Variants in RPTOR observed in about 807,000 individuals in gnomAD.
The protein encoded by RPTOR is regulatory associated protein of MTOR complex 1.
Under a neutral mutation model 169.9 loss-of-function variants are expected in RPTOR, and 21 were observed. The ratio of observed to expected loss-of-function variants is 0.12; its 90% CI spans 0.09 to 0.18. The LOEUF is 0.18. Among genes scored for constraint, RPTOR ranks in the 10% least tolerant of loss-of-function variants. RPTOR has a pLI of 1.00. For synonymous variants in RPTOR, 732 were observed against 753.2 expected (o/e 0.97, Z 0.46); for missense variants, 1,133 against 1,855.9 (o/e 0.61, Z 7.16).
chr17:80,679,558 C>T (rs1188313796), intron 3 of RPTOR, among the ~76,000 whole-genome samples: 2 of 152,160 alleles, frequency 1.3e-5, no homozygotes, highest in African/African-American at 4.8e-5. Context: ...TTTTTCCCTC[C>T]CTTTTTGTTT....
intron 17 of RPTOR, among the ~76,000 whole-genome samples, chr17:80,891,227 T>A (rs1346526404): frequency 6.6e-6 from 1 of 152,206 alleles, no homozygotes; most frequent in Non-Finnish European, 1.5e-5. Flanking sequence ...ACTAGAAACA[T>A]CTACCAATGA....
intron 20 of RPTOR, among the ~76,000 whole-genome samples, chr17:80,903,209 C>G (rs2068498590): frequency 6.6e-6 from 1 of 152,244 alleles, no homozygotes; most frequent in Admixed American, 6.5e-5. Flanking sequence ...AGAGGAGGAG[C>G]TGGGGGCCCT....
chr17:80,900,125 G>A (rs773059413), intron 20 of RPTOR, among the ~76,000 whole-genome samples: 1 of 151,952 alleles, frequency 6.6e-6, no homozygotes, highest in South Asian at 2.1e-4. Flanking sequence ...GGGGACCGGC[G>A]TTTACTCAGG....
At chr17:80,685,625 A>ATTTTTTTTTTTTTTTTTTTTTTTT (rs1567856556) in intron 3 of RPTOR, among the ~76,000 whole-genome samples, 1 of 35,346 alleles carries the variant, frequency 2.8e-5, no homozygotes, top group Non-Finnish European at 4.7e-5. Context: ...ATATATATAT[A>ATTTTTTTTTTTTTTTTTTTTTTTT]TATTTTTTTT....
chr17:80,742,751 T>C (rs979228093), intron 5 of RPTOR, among the ~76,000 whole-genome samples: 22 of 151,886 alleles, frequency 1.4e-4, no homozygotes, highest in African/African-American at 5.3e-4. Flanking sequence ...CACACATACA[T>C]GCACATATAG....
chr17:80,769,412 A>T (rs368457755), intron 6 of RPTOR, among the ~76,000 whole-genome samples: 268 of 152,354 alleles, frequency 1.8e-3, no homozygotes, highest in African/African-American at 5.9e-3. Flanking sequence ...CACCACAGTC[A>T]CTGAGAACAG....
intron 2 of RPTOR, among the ~76,000 whole-genome samples, chr17:80,635,554 G>A (rs954118619): frequency 3.3e-5 from 5 of 152,146 alleles, no homozygotes; most frequent in Admixed American, 1.3e-4. Flanking sequence ...ACCTCCAAGC[G>A]GAGCCACCAT....
chr17:80,712,824 G>A (rs973829343), intron 4 of RPTOR, among the ~76,000 whole-genome samples: 2 of 152,194 alleles, frequency 1.3e-5, no homozygotes, highest in Admixed American at 6.5e-5. Flanking sequence ...ATGCTCATCA[G>A]CATTTGATGT....
At chr17:80,799,638 C>T (rs778269761) in intron 7 of RPTOR, among the ~76,000 whole-genome samples, 2 of 152,164 alleles carry the variant, frequency 1.3e-5, no homozygotes, top group South Asian at 2.1e-4. Flanking sequence ...CCTGTGTTCT[C>T]GGGCTTTTTG....
intron 1 of RPTOR, among the ~76,000 whole-genome samples, chr17:80,579,102 T>C (rs2064991927): frequency 1.3e-5 from 2 of 152,234 alleles, no homozygotes; most frequent in South Asian, 2.1e-4. Flanking sequence ...TATTTACATA[T>C]GGGATCTGAG....
chr17:80,679,107 G>T (rs556417601), intron 3 of RPTOR, among the ~76,000 whole-genome samples: 25 of 152,284 alleles, frequency 1.6e-4, no homozygotes, highest in Admixed American at 1.1e-3. Flanking sequence ...TCTGCCGGGC[G>T]CAGCGGCTAC....
intron 6 of RPTOR, among the ~76,000 whole-genome samples, chr17:80,775,945 C>T (rs545948988): frequency 6.6e-6 from 1 of 152,230 alleles, no homozygotes; most frequent in East Asian, 1.9e-4. Flanking sequence ...ATTTAGTATT[C>T]CATCACATTT....
intron 12 of RPTOR, 25 bp from the exon 13 acceptor site, chr17:80,857,765 C>A: frequency 6.4e-7 from 1 of 1,566,040 alleles, no homozygotes; most frequent in Admixed American, 1.7e-5. Context: ...GGCACAGGTG[C>A]GCTGACGCCC....
In RPTOR at chr17:80,860,507, C is replaced by T. The variant is rs1475302153; in HGVS notation, c.1509+2607C>T. On this transcript the variant is annotated intron_variant, in intron 13 of 33. Transcript: ENST00000306801. The surrounding 1 kb of genome is among the most constrained non-coding windows in gnomAD (Gnocchi z 5.8). ...TGCTCAGCCCTTCTGCTCCCTGCAC[C>T]CAGCCCTGACCATAGCCTCCCCACA... is the stretch of plus-strand genomic sequence containing the variant. Among the ~76,000 whole-genome samples, 1 of 152,134 alleles carries T rather than the reference C, an allele frequency of 6.6e-6. No individual in the cohort carries two copies. The highest frequency in any genetic ancestry group is 1.5e-5 in the Non-Finnish European group (1 of 68,022).
At position 80,964,827 on chromosome 17, in the gene RPTOR, C is replaced by G. The variant is rs554326688; in HGVS notation, c.*497C>G. The G allele has an allele frequency of 2.0e-4, 48 of 235,656 alleles. No individual in the cohort carries two copies. Among genetic ancestry groups the G allele is most frequent in the African/African-American group, 1.0e-3 (46 of 45,502 alleles). 14.6% of individuals were successfully genotyped at this position (235,656 alleles called of 1,614,324 possible). On this transcript the variant is annotated 3_prime_UTR_variant, in exon 34 of 34. Coordinates refer to ENST00000306801, the MANE Select transcript of RPTOR (RefSeq NM_020761.3). ...CCCACCACCTCTCACAGTCAGTGCA[C>G]GCAAGCAGGGACATTTCCTAGCCAG... is the stretch of plus-strand genomic sequence containing the variant.
At chr17:80,561,263 G>GTATGTATATATATATATATATATA (rs2084488080) in intron 1 of RPTOR, among the ~76,000 whole-genome samples, 4 of 19,610 alleles carry the variant, frequency 2.0e-4, no homozygotes, top group African/African-American at 3.7e-4. Flanking sequence ...ATATATATAT[G>GTATGTATATATATATATATATATA]TATATATATA....
chr17:80,956,905 C>T (rs1254139338), intron 28 of RPTOR, among the ~76,000 whole-genome samples: 1 of 152,108 alleles, frequency 6.6e-6, no homozygotes, highest in Non-Finnish European at 1.5e-5. Context: ...GCACCTTAGA[C>T]AGACGTTCCT....
chr17:80,624,948 C>T (rs983888919), intron 1 of RPTOR, among the ~76,000 whole-genome samples: 2 of 152,134 alleles, frequency 1.3e-5, no homozygotes, highest in South Asian at 2.1e-4. Flanking sequence ...GGCTCCACCC[C>T]GATGGGGAGT....
At chr17:80,881,918 A>T (rs2068190265) in intron 14 of RPTOR, among the ~76,000 whole-genome samples, 1 of 152,226 alleles carries the variant, frequency 6.6e-6, no homozygotes, top group Admixed American at 6.5e-5. Flanking sequence ...TTGTTTCTTC[A>T]GTGCTTTGTG....
Sources: allele counts gnomAD v4.1 joint callset (sites outside exome capture counted in the v4.1 genomes callset), GRCh38; gene constraint gnomAD v4.1.1; non-coding constraint Gnocchi (gnomAD v3.1); transcripts MANE v1.5; gene names NCBI Gene and HGNC (gene_info 2026-07-23, HGNC 2026-07-21).